Variants in HAT1 observed in about 807,000 individuals in gnomAD.
The protein encoded by HAT1 is histone acetyltransferase type B catalytic subunit.
Under a neutral mutation model 56.6 loss-of-function variants are expected in HAT1, and 20 were observed. The ratio of observed to expected loss-of-function variants is 0.35; its 90% confidence interval spans 0.25 to 0.51. The LOEUF is 0.51. Ranked by LOEUF, HAT1 falls within the 20% of genes least tolerant of loss-of-function variation. The probability of loss-of-function intolerance (pLI) is 0.95; values close to 1 mark genes in which losing one functional copy is unlikely to be tolerated. For synonymous variants in HAT1, 146 were observed against 165.5 expected (o/e 0.88, Z 0.91); for missense variants, 408 against 504.3 (o/e 0.81, Z 1.83).
intron 3 of HAT1, among the ~76,000 whole-genome samples, chr2:171,949,846 T>C (rs1223934294): frequency 6.6e-6 from 1 of 152,184 alleles, no homozygotes; most frequent in East Asian, 1.9e-4. Context: ...AATCTGTTAC[T>C]GCTACTAATT....
Position 171,983,203 on chromosome 2 carries a change from G to A in HAT1, c.1111G>A (p.Ala371Thr). 6.3e-7 allele frequency: 1 copy of A among 1,577,284 alleles called. No homozygotes were observed. Residue 371 changes from alanine to threonine, a missense_variant, in exon 11 of 11, where the codon GCT becomes ACT. Transcript: ENST00000264108. ...SPYKKKQRDL[A>T]KMRKCLRPEE... ...CACTTAGAAAAAGCAGAGAGATCTT[G>A]CTAAGATGAGAAAATGTCTCAGACC...
intron 4 of HAT1, among the ~76,000 whole-genome samples, chr2:171,961,955 T>C (rs1441596279): frequency 6.6e-6 from 1 of 152,000 alleles, no homozygotes; most frequent in East Asian, 1.9e-4. Context: ...TGTACCACTT[T>C]AGCCAAGTAA....
chr2:171,977,541 ATATATATATATATATATTTTTTTTT>A lies in HAT1; in HGVS notation c.975+1235_975+1259del, dbSNP rs1688008941. Among the ~76,000 whole-genome samples the A allele has an allele frequency of 4.6e-5, 2 of 43,764 alleles. 1 individual carries two copies. Among genetic ancestry groups the A allele is most frequent in the Non-Finnish European group, 1.1e-4 (2 of 17,774 alleles). The allele number at this position is 43,764 out of a possible 152,430, so 28.7% of individuals were successfully genotyped here. ...GGCATATGAATATATATATATATAT[ATATATATATATATATATTTTTTTTT>A]TTTTTTTTTTTTTAATGGTGCTTTC... On this transcript the variant is annotated intron_variant, in intron 9 of 10. Coordinates refer to ENST00000264108, the MANE Select transcript of HAT1 (RefSeq NM_003642.4).
At chr2:171,955,132 T>C (rs1687407324) in intron 4 of HAT1, among the ~76,000 whole-genome samples, 1 of 151,430 alleles carries the variant, frequency 6.6e-6, no homozygotes. Flanking sequence ...TTTGTGGTAA[T>C]TTATTATAGC....
At chr2:171,940,314 A>G (rs1347011872) in intron 2 of HAT1, among the ~76,000 whole-genome samples, 3 of 152,206 alleles carry the variant, frequency 2.0e-5, no homozygotes, top group Admixed American at 6.5e-5. Context: ...TGTTGTCAAC[A>G]TTGGTAGACT....
intron 9 of HAT1, among the ~76,000 whole-genome samples, chr2:171,977,427 A>G (rs1485189815): frequency 1.4e-5 from 2 of 146,022 alleles, no homozygotes. Flanking sequence ...ATGCCACTAC[A>G]CTCCAGCCTG....
intron 4 of HAT1, among the ~76,000 whole-genome samples, chr2:171,961,825 A>G (rs185475741): frequency 1.5e-4 from 23 of 152,128 alleles, no homozygotes; most frequent in Admixed American, 1.3e-3. Flanking sequence ...TCTGTAGTTA[A>G]AGCTTAAATA....
intron 8 of HAT1, among the ~76,000 whole-genome samples, chr2:171,974,196 A>AAAAAAAG (rs1687900192): frequency 1.2e-5 from 1 of 81,260 alleles, no homozygotes; most frequent in Non-Finnish European, 3.0e-5. Flanking sequence ...AAAAAAAGAA[A>AAAAAAAG]AAAAGAAAAA....
chr2:171,974,210 A>AAAAAAAAAAAAAAAAAAAG (rs1687905080), intron 8 of HAT1, among the ~76,000 whole-genome samples: 3 of 72,694 alleles, frequency 4.1e-5, no homozygotes, highest in Admixed American at 1.9e-4. Context: ...AGAAAAAGAA[A>AAAAAAAAAAAAAAAAAAAG]AAAAAAAAAA....
chr2:171,954,812 A>G (rs541204433), intron 4 of HAT1, among the ~76,000 whole-genome samples: 1 of 152,358 alleles, frequency 6.6e-6, no homozygotes, highest in African/African-American at 2.4e-5. Flanking sequence ...CACTTCGCTG[A>G]TGTAATTAAA....
chr2:171,976,497 G>A (rs1214655944), intron 9 of HAT1, among the ~76,000 whole-genome samples, 189 bp downstream of exon 9: 5 of 152,072 alleles, frequency 3.3e-5, no homozygotes, highest in Non-Finnish European at 7.4e-5. Context: ...GTGATTTATG[G>A]CAATTTAATT....
chr2:171,971,093 G>A (rs1275352552), intron 8 of HAT1, among the ~76,000 whole-genome samples: 1 of 152,048 alleles, frequency 6.6e-6, no homozygotes, highest in Non-Finnish European at 1.5e-5. Context: ...CCAGCTACTT[G>A]GGACGCTGAG....
chr2:171,956,355 G>GAC (rs1051393482), intron 4 of HAT1, among the ~76,000 whole-genome samples: 2 of 151,614 alleles, frequency 1.3e-5, no homozygotes, highest in African/African-American at 4.8e-5. Flanking sequence ...CACACACGCT[G>GAC]ACACACACAC....
chr2:171,967,642 TTA>T (rs1192266718), intron 8 of HAT1, among the ~76,000 whole-genome samples: 2 of 152,102 alleles, frequency 1.3e-5, no homozygotes, highest in Non-Finnish European at 2.9e-5. Context: ...CAAGGAATAT[TTA>T]TGTTATTTTC....
chr2:171,953,686 C>CTGTTAT (rs1687370686), intron 4 of HAT1, among the ~76,000 whole-genome samples: 1 of 148,568 alleles, frequency 6.7e-6, no homozygotes, highest in Admixed American at 6.8e-5. Context: ...GAATCTGTTA[C>CTGTTAT]ATGGTAGTTT....
intron 2 of HAT1, among the ~76,000 whole-genome samples, chr2:171,933,686 A>T (rs1411122683): frequency 2.6e-5 from 4 of 152,166 alleles, no homozygotes; most frequent in African/African-American, 7.2e-5. Context: ...GGGTTACTTA[A>T]TTTCCAAATA....
intron 4 of HAT1, among the ~76,000 whole-genome samples, chr2:171,956,226 G>A (rs1687443083): frequency 7.2e-6 from 1 of 138,922 alleles, no homozygotes; most frequent in Admixed American, 7.5e-5. Flanking sequence ...GCTCACATTT[G>A]TAATCCTAGC....
chr2:171,977,536 T>C (rs1232970452), intron 9 of HAT1, among the ~76,000 whole-genome samples: 2 of 14,752 alleles, frequency 1.4e-4, no homozygotes, highest in African/African-American at 5.2e-4. Flanking sequence ...TATATATATA[T>C]ATATATATAT....
At position 171,965,841 on chromosome 2, in the gene HAT1, T is replaced by G; in HGVS notation, c.544T>G (p.Leu182Val). The G allele has an allele frequency of 6.2e-7, 1 of 1,612,092 alleles. No individual in the cohort carries two copies. Among genetic ancestry groups the G allele is most frequent in the Non-Finnish European group, 8.5e-7 (1 of 1,178,204 alleles). The stretch of plus-strand genomic sequence containing the variant: ...ATATCATGAAAGGCTTCAGACCTTT[T>G]TGATGTGGTTTATTGAAACTGCTAG... Reference protein sequence around the residue: ...REYHERLQTFLMWFIETASFI... With the variant: ...REYHERLQTFVMWFIETASFI... The change falls in exon 6 of 11, where the codon TTG becomes GTG. Residue 182 changes from leucine to valine, a missense_variant. Physicochemically the swap from Leu to Val is conservative, Grantham distance 32. Transcript: ENST00000264108.
Sources: gnomAD v4.1 joint callset for allele counts (sites outside exome capture counted in the v4.1 genomes callset) on GRCh38, gnomAD v4.1.1 for gene constraint, MANE v1.5 for transcripts, NCBI Gene and HGNC (gene_info 2026-07-23, HGNC 2026-07-21) for gene names.